Variants in SRPK2 observed in about 807,000 individuals in gnomAD.
SRPK2 encodes the protein SFRS protein kinase 2.
In SRPK2, 21 loss-of-function variants were observed where a neutral mutation model predicts 90.8. The ratio of observed to expected loss-of-function variants is 0.23; its 90% CI spans 0.16 to 0.33. SRPK2 has a LOEUF of 0.33. Among genes scored for constraint, SRPK2 ranks in the 10% least tolerant of loss-of-function variants. The pLI, the probability that SRPK2 is intolerant of heterozygous loss-of-function variation, is 1.00. For missense variants in SRPK2, 620 were observed against 869.0 expected (o/e 0.71, Z 3.60); for synonymous variants, 288 against 311.1 (o/e 0.93, Z 0.78).
At chr7:105,358,303 C>CAGTAGATA (rs1307970336) in intron 2 of SRPK2, among the ~76,000 whole-genome samples, 1 of 147,524 alleles carries the variant, frequency 6.8e-6, no homozygotes, top group Non-Finnish European at 1.5e-5. Context: ...ATAACATAAA[C>CAGTAGATA]AGTAGATAAC....
At chr7:105,157,104 C>G (rs929494968) in intron 7 of SRPK2, among the ~76,000 whole-genome samples, 1 of 151,984 alleles carries the variant, frequency 6.6e-6, no homozygotes, top group East Asian at 1.9e-4. Context: ...GCACAGAGAG[C>G]CAAGAAAAGC....
chr7:105,263,040 C>T (rs912865904), intron 2 of SRPK2, among the ~76,000 whole-genome samples: 29 of 152,076 alleles, frequency 1.9e-4, no homozygotes, highest in Admixed American at 9.2e-4. Flanking sequence ...GAAATGCTCA[C>T]GGCAGACTGG....
chr7:105,204,833 C>A, intron 2 of SRPK2: 1 of 486,252 alleles, frequency 2.1e-6, no homozygotes, highest in South Asian at 1.8e-5. Context: ...TAGCCGTTGT[C>A]AATGAAGAGT....
chr7:105,361,940 C>T (rs890179299), intron 2 of SRPK2, among the ~76,000 whole-genome samples: 1 of 131,944 alleles, frequency 7.6e-6, no homozygotes, highest in African/African-American at 2.8e-5. Flanking sequence ...ACTAAAACAC[C>T]GAAAGCGCCT....
chr7:105,175,621 T>C (rs1791738682), intron 3 of SRPK2, among the ~76,000 whole-genome samples: 1 of 152,080 alleles, frequency 6.6e-6, no homozygotes, highest in Non-Finnish European at 1.5e-5. Flanking sequence ...TTAACAAATT[T>C]CGGGCCAGGC....
chr7:105,393,406 A>G (rs2132911328), upstream of SRPK2, among the ~76,000 whole-genome samples: 2 of 150,958 alleles, frequency 1.3e-5, no homozygotes, highest in African/African-American at 4.9e-5. Context: ...TGCTGGGATT[A>G]AAGGCGTGCA....
chr7:105,264,457 C>T (rs555617816), intron 2 of SRPK2, among the ~76,000 whole-genome samples: 141 of 152,138 alleles, frequency 9.3e-4, no homozygotes, highest in Non-Finnish European at 1.6e-3. Context: ...CCTTTTTATT[C>T]GGCATTGGTA....
intron 1 of SRPK2, among the ~76,000 whole-genome samples, chr7:105,397,270 C>T (rs62484717): frequency 0.097 from 14,691 of 151,750 alleles, 887 homozygotes; most frequent in African/African-American, 0.16. Flanking sequence ...CCCGCCTCGG[C>T]CTACGAAAGT....
At chr7:105,233,064 A>G (rs1055911445) in intron 2 of SRPK2, among the ~76,000 whole-genome samples, 1 of 140,946 alleles carries the variant, frequency 7.1e-6, no homozygotes, top group African/African-American at 2.8e-5. Flanking sequence ...GGGAGGGAGC[A>G]AGGAAGGAAG....
At chr7:105,385,154 G>A (rs1455810485) in intron 2 of SRPK2, among the ~76,000 whole-genome samples, 1 of 132,550 alleles carries the variant, frequency 7.5e-6, no homozygotes, top group Non-Finnish European at 1.6e-5. Context: ...TTACAGGCGT[G>A]AGCCACCGCG....
At chr7:105,376,892 C>CACAT in intron 2 of SRPK2, among the ~76,000 whole-genome samples, 1 of 137,906 alleles carries the variant, frequency 7.3e-6, no homozygotes, top group East Asian at 2.2e-4. Context: ...TACACACACA[C>CACAT]ACACACACAC....
intron 2 of SRPK2, among the ~76,000 whole-genome samples, chr7:105,269,732 C>T (rs1300263517): frequency 6.6e-6 from 1 of 152,172 alleles, no homozygotes; most frequent in Non-Finnish European, 1.5e-5. Context: ...CAATCTAACA[C>T]GTTTCCTTTA....
rs574769220 is a variant in SRPK2, at chr7:105,330,522, C to T, written c.71+58126G>A. ...ATTAACAACAGGGGAAATAAACATT[C>T]GCCTTAATACTGACATGACTCTTCC... On this transcript the variant is annotated intron_variant, in intron 2 of 15. Coordinates refer to ENST00000393651, the MANE Select transcript of SRPK2 (RefSeq NM_182692.3). Among the ~76,000 whole-genome samples, 8 of 152,110 alleles carry T rather than the reference C, an allele frequency of 5.3e-5. No homozygotes were observed. The East Asian group carries it at 1.4e-3, about 26-fold the overall frequency.
intron 2 of SRPK2, among the ~76,000 whole-genome samples, chr7:105,342,990 C>T (rs1585797252): frequency 6.6e-6 from 1 of 152,144 alleles, no homozygotes; most frequent in African/African-American, 2.4e-5. Context: ...TAAACCCAAA[C>T]CTACTCCCAA....
At chr7:105,126,908 T>C (rs1801293315) in intron 14 of SRPK2, 85 bp downstream of exon 14, 4 of 1,348,714 alleles carry the variant, frequency 3.0e-6, no homozygotes, top group African/African-American at 1.5e-5. Context: ...ATGGCTCTAT[T>C]TCAGTACAAA....
intron 6 of SRPK2, among the ~76,000 whole-genome samples, chr7:105,164,151 T>C (rs1808153016): frequency 6.6e-6 from 1 of 152,170 alleles, no homozygotes; most frequent in Non-Finnish European, 1.5e-5. Flanking sequence ...GTCAAAGCAC[T>C]AGTGAACTAG....
intron 2 of SRPK2, among the ~76,000 whole-genome samples, chr7:105,278,518 CAAAAAAA>C (rs745938997): frequency 7.3e-5 from 7 of 95,292 alleles, no homozygotes; most frequent in African/African-American, 1.9e-4. Flanking sequence ...AATAAAAATA[CAAAAAAA>C]AAAAAAAAAA....
At chr7:105,280,706 G>A (rs974029117) in intron 2 of SRPK2, among the ~76,000 whole-genome samples, 2 of 150,628 alleles carry the variant, frequency 1.3e-5, no homozygotes, top group African/African-American at 2.5e-5. Flanking sequence ...CTAGCACTTT[G>A]GGAGGCCGAG....
At chr7:105,205,962 G>A (rs1439901622) in intron 2 of SRPK2, 2 of 518,928 alleles carry the variant, frequency 3.9e-6, no homozygotes, top group East Asian at 5.4e-5. Context: ...GTTTGCTGTA[G>A]AAACTACTTG....
Sources: gnomAD v4.1 joint callset for allele counts (sites outside exome capture counted in the v4.1 genomes callset) on GRCh38, gnomAD v4.1.1 for gene constraint, MANE v1.5 for transcripts, NCBI Gene and HGNC (gene_info 2026-07-23, HGNC 2026-07-21) for gene names.